The following ADGRB3 variants were observed in gnomAD, a reference collection of about 807,000 sequenced individuals.
The protein encoded by ADGRB3 is adhesion G protein-coupled receptor B3.
A neutral mutation model predicts 193.4 loss-of-function variants in ADGRB3; 37 were observed. The ratio of observed to expected loss-of-function variants is 0.19; its 90% confidence interval spans 0.15 to 0.25. ADGRB3 has a LOEUF of 0.25. Ranked by LOEUF, ADGRB3 falls within the 10% of genes least tolerant of loss-of-function variation. The pLI is 1.00. For synonymous variants in ADGRB3, 690 were observed against 644.2 expected (o/e 1.07, Z -1.08); for missense variants, 1,637 against 1,852.9 (o/e 0.88, Z 2.14).
chr6:68,781,970 T>C (rs1667864017), intron 3 of ADGRB3, among the ~76,000 whole-genome samples: 1 of 152,060 alleles, frequency 6.6e-6, no homozygotes, highest in South Asian at 2.1e-4. Context: ...TACTCTTTTT[T>C]TTATTTTATT....
At chr6:69,302,564 T>C (rs1470924779) in intron 20 of ADGRB3, among the ~76,000 whole-genome samples, 1 of 151,878 alleles carries the variant, frequency 6.6e-6, no homozygotes, top group Non-Finnish European at 1.5e-5. Flanking sequence ...AAACATAACG[T>C]CTGTAATAAG....
chr6:68,713,053 T>C (rs564389397), intron 3 of ADGRB3, among the ~76,000 whole-genome samples: 8 of 152,052 alleles, frequency 5.3e-5, no homozygotes, highest in African/African-American at 1.9e-4. Context: ...TGTTCTGAAA[T>C]AGCTGAAGGT....
intron 3 of ADGRB3, among the ~76,000 whole-genome samples, chr6:68,813,361 C>G (rs771639767): frequency 3.3e-5 from 5 of 152,108 alleles, no homozygotes; most frequent in Admixed American, 6.5e-5. Context: ...ACAGAATCCT[C>G]AAGATCTCAC....
intron 3 of ADGRB3, among the ~76,000 whole-genome samples, chr6:68,784,091 T>C (rs1272991622): frequency 1.3e-5 from 2 of 152,130 alleles, no homozygotes; most frequent in Non-Finnish European, 2.9e-5. Flanking sequence ...ATAAATGTAG[T>C]TCTATAATTA....
chr6:68,971,508 G>A (rs1023319903), intron 8 of ADGRB3, among the ~76,000 whole-genome samples: 1 of 152,214 alleles, frequency 6.6e-6, no homozygotes, highest in Non-Finnish European at 1.5e-5. Context: ...GACCCATGCA[G>A]CTCAAACCTG....
In ADGRB3 at chr6:68,951,080, T is replaced by G. The variant is rs532203022; in HGVS notation, c.1196-4944T>G. ...TTCTCTCTGTTCCTGAACACAGATCTTCACATGCCAACAGATATTTTACAT... is the reference window on the plus strand; with the variant it reads ...TTCTCTCTGTTCCTGAACACAGATCGTCACATGCCAACAGATATTTTACAT... On this transcript the variant is annotated intron_variant, in intron 6 of 31. Transcript: ENST00000370598. 7.9e-5 allele frequency among the ~76,000 whole-genome samples: 12 copies of G among 152,266 alleles called. No homozygotes were observed. In the East Asian group the frequency reaches 2.3e-3, roughly 29 times the overall value.
intron 10 of ADGRB3, among the ~76,000 whole-genome samples, chr6:68,993,183 T>G (rs955011577): frequency 1.8e-4 from 21 of 119,594 alleles, no homozygotes; most frequent in Admixed American, 1.8e-3. Context: ...TTTTCAATTG[T>G]TTTTGCTGTT....
chr6:69,244,385 A>G (rs1049495916), intron 20 of ADGRB3, among the ~76,000 whole-genome samples: 21 of 152,090 alleles, frequency 1.4e-4, no homozygotes, highest in African/African-American at 5.1e-4. Flanking sequence ...TTTAAAAAGT[A>G]AAACCTCGAA....
intron 3 of ADGRB3, among the ~76,000 whole-genome samples, chr6:68,704,033 C>T (rs1765286460): frequency 6.6e-6 from 1 of 152,092 alleles, no homozygotes; most frequent in African/African-American, 2.4e-5. Flanking sequence ...GAAAAGTTGT[C>T]AATATATTAG....
In ADGRB3 at chr6:68,789,527, G is replaced by T. The variant is rs1235117787; in HGVS notation, c.758-141032G>T. Among the ~76,000 whole-genome samples the T allele has an allele frequency of 2.0e-5, 3 of 152,222 alleles. No homozygotes were observed. In the East Asian group the frequency reaches 5.8e-4, roughly 29 times the overall value. On this transcript the variant is annotated intron_variant, in intron 3 of 31. Coordinates refer to ENST00000370598, the MANE Select transcript of ADGRB3 (RefSeq NM_001704.3). Reference sequence around the variant, plus strand: ...TAGAGTTTCTGCGGAGAGATCAGCTGTTAGTCTGATGAGCTTCCCTTTGTG... The same window carrying T: ...TAGAGTTTCTGCGGAGAGATCAGCTTTTAGTCTGATGAGCTTCCCTTTGTG...
intron 17 of ADGRB3, among the ~76,000 whole-genome samples, chr6:69,150,923 G>A (rs1488673464): frequency 3.3e-5 from 5 of 152,196 alleles, no homozygotes; most frequent in Non-Finnish European, 7.3e-5. Flanking sequence ...CAGGAATGGG[G>A]GCCTTACAAT....
intron 17 of ADGRB3, among the ~76,000 whole-genome samples, chr6:69,157,719 T>C (rs1366616701): frequency 2.0e-5 from 3 of 150,752 alleles, no homozygotes; most frequent in Non-Finnish European, 4.4e-5. Context: ...AAAAAAGGAA[T>C]ACTCCTGAGA....
At chr6:68,720,810 A>T (rs1233397914) in intron 3 of ADGRB3, among the ~76,000 whole-genome samples, 1 of 151,796 alleles carries the variant, frequency 6.6e-6, no homozygotes, top group African/African-American at 2.4e-5. Context: ...ACAGTGACAC[A>T]CACAGGGTGG....
intron 3 of ADGRB3, among the ~76,000 whole-genome samples, chr6:68,783,946 T>C (rs903865640): frequency 6.6e-6 from 1 of 152,026 alleles, no homozygotes; most frequent in African/African-American, 2.4e-5. Context: ...CCTCTTACTA[T>C]TCTTTAACTT....
At chr6:68,882,348 A>G (rs955737897) in intron 3 of ADGRB3, among the ~76,000 whole-genome samples, 2 of 152,214 alleles carry the variant, frequency 1.3e-5, no homozygotes, top group Admixed American at 1.3e-4. Flanking sequence ...ACTTTCATGT[A>G]TAACATTTAA....
At chr6:69,336,911 C>A (rs1281080535) in intron 24 of ADGRB3, among the ~76,000 whole-genome samples, 1 of 152,054 alleles carries the variant, frequency 6.6e-6, no homozygotes, top group Admixed American at 6.6e-5. Flanking sequence ...CTACTTCATG[C>A]ACATCCAGTA....
chr6:68,782,830 TTTC>T (rs571927163), intron 3 of ADGRB3, among the ~76,000 whole-genome samples: 4,294 of 152,226 alleles, frequency 0.028, 192 homozygotes, highest in African/African-American at 0.096. Context: ...GTTTGTTTTT[TTTC>T]TTGTAAATTT....
chr6:69,072,631 A>G (rs1368112278), intron 16 of ADGRB3, among the ~76,000 whole-genome samples: 1 of 152,140 alleles, frequency 6.6e-6, no homozygotes, highest in Non-Finnish European at 1.5e-5. Context: ...AACTTAATCT[A>G]CATTATACAT....
chr6:69,225,706 C>T (rs904131322), intron 17 of ADGRB3, among the ~76,000 whole-genome samples: 4 of 152,188 alleles, frequency 2.6e-5, no homozygotes, highest in Non-Finnish European at 4.4e-5. Context: ...GTAAGGTCCT[C>T]AAGATCCTGG....
Sources: gnomAD v4.1 joint callset for allele counts (sites outside exome capture counted in the v4.1 genomes callset) on GRCh38, gnomAD v4.1.1 for gene constraint, MANE v1.5 for transcripts, NCBI Gene and HGNC (gene_info 2026-07-23, HGNC 2026-07-21) for gene names.